Variants in DTNA observed in about 807,000 individuals in gnomAD.
DTNA encodes dystrobrevin alpha, also known as dystrophin-related protein 3.
In DTNA, 43 loss-of-function variants were observed where a neutral mutation model predicts 100.7. That is an observed-to-expected ratio of 0.43 (90% CI 0.33 to 0.55). The LOEUF (loss-of-function observed/expected upper bound fraction) is 0.55, where lower values mean the gene tolerates loss of function less well. Ranked by LOEUF, DTNA falls within the 20% of genes least tolerant of loss-of-function variation. The pLI, the probability that DTNA is intolerant of heterozygous loss-of-function variation, is 0.04. For synonymous variants in DTNA, 349 were observed against 347.9 expected, an observed-to-expected ratio of 1.00 and a Z score of -0.04; for missense variants, 798 against 953.9, an observed-to-expected ratio of 0.84 and a Z score of 2.15.
At chr18:34,702,327 T>G (rs2081491287) in intron 1 of DTNA, among the ~76,000 whole-genome samples, 1 of 152,204 alleles carries the variant, frequency 6.6e-6, no homozygotes, top group Admixed American at 6.5e-5. Flanking sequence ...AATTATCACG[T>G]GAAGCTGCGG....
intron 14 of DTNA, 137 bp from the exon 15 acceptor site, chr18:34,851,694 A>G (rs1024358202): frequency 1.0e-5 from 10 of 998,948 alleles, no homozygotes; most frequent in African/African-American, 3.2e-5. Context: ...ATGGCAATTG[A>G]ATTTTATGTA....
chr18:34,494,703 C>T (rs996902859), intron 1 of DTNA, among the ~76,000 whole-genome samples: 3 of 151,954 alleles, frequency 2.0e-5, no homozygotes, highest in Non-Finnish European at 4.4e-5. Flanking sequence ...ATTGGATGTG[C>T]CTTGCAGTGA....
chr18:34,571,944 C>T (rs1467560484), intron 1 of DTNA, among the ~76,000 whole-genome samples: 1 of 152,138 alleles, frequency 6.6e-6, no homozygotes, highest in African/African-American at 2.4e-5. Flanking sequence ...GTTCATTTTT[C>T]TTTGTATTAT....
At chr18:34,801,174 G>C (rs776169385) in intron 4 of DTNA, among the ~76,000 whole-genome samples, 2 of 152,160 alleles carry the variant, frequency 1.3e-5, no homozygotes, top group Non-Finnish European at 2.9e-5. Context: ...GAAGATAAAA[G>C]ATTTCAAGAA....
chr18:34,588,689 G>GTGTGTGTGTGCA (rs1218968964), intron 1 of DTNA, among the ~76,000 whole-genome samples: 2 of 150,194 alleles, frequency 1.3e-5, no homozygotes, highest in African/African-American at 4.9e-5. Flanking sequence ...ATATTATAGT[G>GTGTGTGTGTGCA]TGTGTGTGTG....
chr18:34,591,071 G>C (rs2049670218), intron 1 of DTNA, among the ~76,000 whole-genome samples: 1 of 152,026 alleles, frequency 6.6e-6, no homozygotes, highest in African/African-American at 2.4e-5. Flanking sequence ...AATTATTATA[G>C]TTTACTCATT....
At chr18:34,731,448 C>T (rs997622306) in intron 1 of DTNA, among the ~76,000 whole-genome samples, 16 of 151,314 alleles carry the variant, frequency 1.1e-4, no homozygotes, top group African/African-American at 3.6e-4. Flanking sequence ...CACTGCAGTC[C>T]GCAGTCCAGC....
chr18:34,687,486 T>G lies in DTNA; in HGVS notation c.-1-68490T>G, dbSNP rs558125812. On this transcript the variant is annotated intron_variant, in intron 1 of 19. Coordinates refer to the DTNA transcript ENST00000283365. ...TTCTTAATCCTGAGTTCTAATTTGA[T>G]TGCACTGTGGTCTGAGAGACTGTTT... Among the ~76,000 whole-genome samples, 4 of 152,348 alleles carry G rather than the reference T, an allele frequency of 2.6e-5. No homozygotes were observed. In the East Asian group the frequency reaches 7.7e-4, roughly 29 times the overall value.
chr18:34,663,558 C>G lies in DTNA; in HGVS notation c.-1-92418C>G, dbSNP rs1277540916. ...GTAGTTGTCTCCAAGTATTATTGTT[C>G]AAGGTACAAGTGGTACTAGTCATTT... On this transcript the variant is annotated intron_variant, in intron 1 of 19. Transcript: ENST00000283365. Among the ~76,000 whole-genome samples, 4 of 152,104 alleles carry G rather than the reference C, an allele frequency of 2.6e-5. No homozygotes were observed. In the South Asian group the frequency reaches 8.3e-4, roughly 32 times the overall value.
intron 1 of DTNA, among the ~76,000 whole-genome samples, chr18:34,643,001 G>C (rs1024249703): frequency 1.3e-5 from 2 of 152,202 alleles, no homozygotes; most frequent in Non-Finnish European, 2.9e-5. Flanking sequence ...TGAGTAACTA[G>C]CATGCCATAA....
intron 1 of DTNA, among the ~76,000 whole-genome samples, chr18:34,640,840 A>C (rs1258178170): frequency 6.6e-6 from 1 of 152,206 alleles, no homozygotes; most frequent in Non-Finnish European, 1.5e-5. Context: ...TTCTAAAAGC[A>C]AAGGTTTGTT....
chr18:34,510,695 G>A (rs1273793357), intron 1 of DTNA, among the ~76,000 whole-genome samples: 2 of 150,686 alleles, frequency 1.3e-5, no homozygotes, highest in Non-Finnish European at 3.0e-5. Flanking sequence ...ATCATCTGGG[G>A]GGTTTGTTAA....
chr18:34,838,837 G>A lies in DTNA; in HGVS notation c.1346G>A (p.Cys449Tyr), dbSNP rs1218811427. The change falls in exon 13 of 23, where the codon TGC becomes TAC. Residue 449 changes from cysteine (C) to tyrosine (Y), a missense_variant and splice_region_variant. Around this residue, in one of 6 missense-constraint regions of DTNA, gnomAD observed 159 missense variants for 201.2 expected, o/e 0.79. Coordinates refer to ENST00000444659, the MANE Select transcript of DTNA (RefSeq NM_001386795.1). Reference protein sequence around the residue: ...YVNMLRNNPSCMLESSNRLDE... With the variant: ...YVNMLRNNPSYMLESSNRLDE... ...AACATGCTCCGGAACAACCCCTCATGGTTAGTGCAGGTTTGGCTGCTTGAC... is the reference window on the plus strand; with the variant it reads ...AACATGCTCCGGAACAACCCCTCATAGTTAGTGCAGGTTTGGCTGCTTGAC... The A allele has an allele frequency of 1.9e-6, 3 of 1,613,230 alleles. No individual in the cohort carries two copies. Among genetic ancestry groups the A allele is most frequent in the African/African-American group, 2.7e-5 (2 of 74,878 alleles).
At position 34,818,294 on chromosome 18, in the gene DTNA, T is replaced by C. The variant is rs933476610; in HGVS notation, c.840T>C (p.His280=). 7.4e-6 allele frequency: 12 copies of C among 1,613,842 alleles called. No individual in the cohort carries two copies. The highest frequency in any genetic ancestry group is 3.3e-5 in the Admixed American group (2 of 59,956). Residue 280 remains histidine, a synonymous_variant, in exon 8 of 23, where the codon CAT becomes CAC. Transcript: ENST00000444659. ...CFWRGHAGGS[H]SNQHQMKEYT... ...GGAGGGGACATGCCGGTGGTTCTCA[T>C]AGCAACCAGCACCAAATGAAAGAGT...
At chr18:34,724,385 C>A (rs138338625) in intron 1 of DTNA, among the ~76,000 whole-genome samples, 324 of 152,292 alleles carry the variant, frequency 2.1e-3, no homozygotes, top group African/African-American at 7.7e-3. Context: ...TTATCATAAA[C>A]TGTTGGTAGA....
intron 3 of DTNA, among the ~76,000 whole-genome samples, chr18:34,788,871 T>C (rs576524705): frequency 5.8e-4 from 88 of 152,342 alleles, no homozygotes; most frequent in African/African-American, 1.9e-3. Flanking sequence ...TATAAATTAG[T>C]AGTAGAATAG....
At chr18:34,566,397 G>A (rs979752284) in intron 1 of DTNA, among the ~76,000 whole-genome samples, 1 of 152,080 alleles carries the variant, frequency 6.6e-6, no homozygotes, top group Non-Finnish European at 1.5e-5. Flanking sequence ...ATTTTTCATG[G>A]ATTAAAAATG....
At chr18:34,854,073 A>G (rs1048710660) in intron 15 of DTNA, among the ~76,000 whole-genome samples, 1 of 152,206 alleles carries the variant, frequency 6.6e-6, no homozygotes, top group Non-Finnish European at 1.5e-5. Flanking sequence ...GAAGCAAACA[A>G]TGTAAAAGAA....
chr18:34,776,785 G>A (rs935954905), intron 3 of DTNA, among the ~76,000 whole-genome samples: 1 of 152,158 alleles, frequency 6.6e-6, no homozygotes, highest in African/African-American at 2.4e-5. Flanking sequence ...CAATGGCCCA[G>A]TTGGCTCCAC....
Sources: allele counts gnomAD v4.1 joint callset (sites outside exome capture counted in the v4.1 genomes callset), GRCh38; gene constraint gnomAD v4.1.1; regional missense constraint gnomAD v4.1.1; transcripts MANE v1.5; gene names NCBI Gene and HGNC (gene_info 2026-07-23, HGNC 2026-07-21).